TRADD: variants seen among roughly 807,000 people sequenced by gnomAD.
TRADD encodes the protein TNFRSF1A associated via death domain.
In TRADD, 14 loss-of-function variants were observed where a neutral mutation model predicts 31.5. That is an observed-to-expected ratio of 0.44 (90% CI 0.29 to 0.69). The LOEUF (loss-of-function observed/expected upper bound fraction) is 0.69. Among genes scored for constraint, TRADD ranks in the 30% least tolerant of loss-of-function variants. The pLI is 0.11. For synonymous variants in TRADD, 220 were observed against 215.8 expected (o/e 1.02, Z -0.17); for missense variants, 388 against 435.7 (o/e 0.89, Z 0.97).
intron 2 of TRADD, 119 bp from the exon 3 acceptor site, chr16:67,155,773 A>G: frequency 6.8e-7 from 1 of 1,466,102 alleles, no homozygotes. Flanking sequence ...CCTAGGGTGC[A>G]GTTACCCCAG....
intron 4 of TRADD, 65 bp from the exon 5 acceptor site, chr16:67,155,024 A>G: frequency 2.1e-6 from 1 of 484,206 alleles, no homozygotes; most frequent in South Asian, 1.9e-5. Flanking sequence ...ACCCATCCCC[A>G]CCCGGCAACG....
chr16:67,157,789 C>T (rs1328086125), intron 1 of TRADD, among the ~76,000 whole-genome samples: 1 of 152,152 alleles, frequency 6.6e-6, no homozygotes, highest in Non-Finnish European at 1.5e-5. Context: ...AGCTCTGGAC[C>T]AGCGGGGGCA....
At chr16:67,157,842 T>C (rs1278775665) in intron 1 of TRADD, among the ~76,000 whole-genome samples, 1 of 152,168 alleles carries the variant, frequency 6.6e-6, no homozygotes, top group South Asian at 2.1e-4. Context: ...TACAGCTCAA[T>C]GGTCTCCCAG....
Position 67,154,997 on chromosome 16 carries a change from C to T in TRADD, c.629-38G>A, listed in dbSNP as rs2030613991. On this transcript the variant is annotated intron_variant, in intron 4 of 4. Coordinates refer to ENST00000345057, the MANE Select transcript of TRADD (RefSeq NM_003789.4). The surrounding 1 kb of genome is among the most constrained non-coding windows in gnomAD (Gnocchi z 5.2). Reference sequence around the variant, plus strand: ...TGGGGAAACGGGGTGAGGGCGGGGACCCCCAGCGCCGGTCCCACCCATCCC... The same window carrying T: ...TGGGGAAACGGGGTGAGGGCGGGGATCCCCAGCGCCGGTCCCACCCATCCC... 29 of 1,587,440 alleles carry T rather than the reference C, an allele frequency of 1.8e-5. No individual in the cohort carries two copies. The highest frequency in any genetic ancestry group is 2.5e-5 in the Non-Finnish European group (29 of 1,168,590).
In TRADD at chr16:67,155,641, G is replaced by A; in HGVS notation, c.165C>T (p.Ser55=). The change falls in exon 3 of 5, where the codon AGC becomes AGT. Residue 55 remains serine (S), a synonymous_variant. Coordinates refer to ENST00000345057, the MANE Select transcript of TRADD (RefSeq NM_003789.4). ...TCTTCAGCATCTGCAGCACGTCCGG[G>A]CTCCCGCCGCTCTCTGCGGAGGCGG... ...LQAALAESGG[S]PDVLQMLKIH... is the part of the protein sequence containing the mutation. The A allele has an allele frequency of 6.5e-7, 1 of 1,547,168 alleles. No homozygotes were observed.
chr16:67,154,469 C>T lies in TRADD; in HGVS notation c.*180G>A. 1.4e-6 allele frequency: 1 copy of T among 736,214 alleles called. No individual in the cohort carries two copies. The allele number at this position is 736,214 out of a possible 1,614,324, so 45.6% of individuals were successfully genotyped here. A position where few individuals can be genotyped will look rare whatever the true frequency, so the allele number is the denominator to read the frequency against. On this transcript the variant is annotated 3_prime_UTR_variant, in exon 5 of 5. Coordinates refer to ENST00000345057, the MANE Select transcript of TRADD (RefSeq NM_003789.4). This position sits in a 1 kb window ranked among gnomAD's most constrained non-coding sequence, Gnocchi z 5.2. The stretch of plus-strand genomic sequence containing the variant: ...CTATCAAAGTACCTGAGGCAGAATC[C>T]CCAATGATGCACCCCCAGTGGTCTG...
At position 67,156,684 on chromosome 16, in the gene TRADD, G is replaced by C. The variant is rs2030711797; in HGVS notation, c.-8-16C>G. 1.2e-6 allele frequency: 2 copies of C among 1,609,668 alleles called. No individual in the cohort carries two copies. Among genetic ancestry groups the C allele is most frequent in the African/African-American group, 2.8e-5 (2 of 71,882 alleles). On this transcript the variant is annotated splice_polypyrimidine_tract_variant and intron_variant, in intron 1 of 4. Transcript: ENST00000345057. The surrounding 1 kb of genome is among the most constrained non-coding windows in gnomAD (Gnocchi z 4.6). The stretch of plus-strand genomic sequence containing the variant: ...ATCTCACCTCCTGGAGATGCAGACA[G>C]TCAGGTATCCAGTTCATCCCCCCTC...
rs2030841843 is a variant in TRADD at position 67,159,879 on chromosome 16, C to A, written c.-50G>T. On this transcript the variant is annotated 5_prime_UTR_variant, in exon 1 of 5. Coordinates refer to ENST00000345057, the MANE Select transcript of TRADD (RefSeq NM_003789.4). This position sits in a 1 kb window ranked among gnomAD's most constrained non-coding sequence, Gnocchi z 6.8. ...GGCCTGGGTTCCCACGCCCGCCAGG[C>A]TCCGCTCTACTCCGCCGCTTCCGGG... The A allele has an allele frequency of 6.6e-6, 1 of 152,250 alleles. No individual in the cohort carries two copies. Among genetic ancestry groups the A allele is most frequent in the Admixed American group, 6.5e-5 (1 of 15,290 alleles). 9.4% of individuals were successfully genotyped at this position (152,250 alleles called of 1,614,324 possible).
At chr16:67,155,968 C>T (rs1000371785) in intron 2 of TRADD, 61 of 1,446,658 alleles carry the variant, frequency 4.2e-5, no homozygotes, top group Admixed American at 2.3e-4. Flanking sequence ...GTGCCCTGGG[C>T]AAACAAGCCG....
In TRADD at chr16:67,156,140, G is replaced by A. The variant is rs545322930; in HGVS notation, c.151+370C>T. 492 of 1,362,088 alleles carry A rather than the reference G, an allele frequency of 3.6e-4. 1 individual carries two copies. The highest frequency in any genetic ancestry group is 5.1e-4 in the South Asian group (42 of 81,706). 84.4% of individuals were successfully genotyped at this position (1,362,088 alleles called of 1,614,324 possible). On this transcript the variant is annotated intron_variant, in intron 2 of 4. Transcript: ENST00000345057. This position sits in a 1 kb window ranked among gnomAD's most constrained non-coding sequence, Gnocchi z 4.6. The stretch of plus-strand genomic sequence containing the variant: ...TTCAGCCTCCTGTGGCCTCTGCCCT[G>A]AGATGGGAAAGGGGGGCCTGGAAGG...
chr16:67,154,637 T>G lies in TRADD; in HGVS notation c.*12A>C. On this transcript the variant is annotated 3_prime_UTR_variant, in exon 5 of 5. Coordinates refer to ENST00000345057, the MANE Select transcript of TRADD (RefSeq NM_003789.4). The surrounding 1 kb of genome is among the most constrained non-coding windows in gnomAD (Gnocchi z 5.2). ...CCATCCAGGTTCTCCAAAAGCTGGC[T>G]GCACCCCTGGTCTAGGCCAGGCCGC... 6.2e-7 allele frequency: 1 copy of G among 1,611,272 alleles called. No individual in the cohort carries two copies. The highest frequency in any genetic ancestry group is 8.5e-7 in the Non-Finnish European group (1 of 1,179,476).
In TRADD at chr16:67,154,577, G is replaced by C; in HGVS notation, c.*72C>G. 6.5e-7 allele frequency: 1 copy of C among 1,539,622 alleles called. No homozygotes were observed. The highest frequency in any genetic ancestry group is 1.2e-5 in the South Asian group (1 of 84,754). On this transcript the variant is annotated 3_prime_UTR_variant, in exon 5 of 5. Coordinates refer to ENST00000345057, the MANE Select transcript of TRADD (RefSeq NM_003789.4). The surrounding 1 kb of genome is among the most constrained non-coding windows in gnomAD (Gnocchi z 5.2). ...AGTTTCAGGGTCCCGTGGATGGACA[G>C]GGGTTCAGCAATAGCCGCAGAAGGA...
intron 1 of TRADD, among the ~76,000 whole-genome samples, chr16:67,158,506 C>T (rs763078464): frequency 2.6e-5 from 4 of 151,638 alleles, no homozygotes; most frequent in Admixed American, 1.3e-4. Flanking sequence ...TGTGTACTTA[C>T]GCCAAACCAC....
chr16:67,156,608 A>G lies in TRADD; in HGVS notation c.53T>C (p.Phe18Ser). The G allele has an allele frequency of 6.2e-7, 1 of 1,614,084 alleles. No individual in the cohort carries two copies. Among genetic ancestry groups the G allele is most frequent in the Non-Finnish European group, 8.5e-7 (1 of 1,180,022 alleles). Residue 18 changes from phenylalanine (F) to serine (S), a missense_variant, in exon 2 of 5, where the codon TTT becomes TCT. Phe to Ser is a radical substitution (Grantham distance 155). Transcript: ENST00000345057. The surrounding 1 kb of genome is among the most constrained non-coding windows in gnomAD (Gnocchi z 4.6). ...CACCTTGTCCAGCGAGGACTCCACA[A>G]ACAGGTATGCGCTGCCCACCCACTC... is the stretch of plus-strand genomic sequence containing the variant. ...HEEWVGSAYL[F>S]VESSLDKVVL...
chr16:67,154,922 G>A lies in TRADD; in HGVS notation c.666C>T (p.Phe222=), dbSNP rs1253663806. 1.9e-6 allele frequency: 3 copies of A among 1,609,042 alleles called. No homozygotes were observed. Among genetic ancestry groups the A allele is most frequent in the African/African-American group, 2.7e-5 (2 of 74,832 alleles). The part of the protein sequence containing the change: ...RPLSLKDQQT[F]ARSVGLKWRK... Reference sequence around the variant, plus strand: ...GCCATTTGAGACCCACAGAGCGCGCGAACGTCTGTTGGTCCTTCAGGCTCA... The same window carrying A: ...GCCATTTGAGACCCACAGAGCGCGCAAACGTCTGTTGGTCCTTCAGGCTCA... Residue 222 remains phenylalanine, a synonymous_variant, in exon 5 of 5, where the codon TTC becomes TTT. Transcript: ENST00000345057. The surrounding 1 kb of genome is among the most constrained non-coding windows in gnomAD (Gnocchi z 5.2).
Position 67,156,562 on chromosome 16 carries a change from C to A in TRADD, c.99G>T (p.Ala33=). 1 of 1,613,872 alleles carries A rather than the reference C, an allele frequency of 6.2e-7. No individual in the cohort carries two copies. Among genetic ancestry groups the A allele is most frequent in the Non-Finnish European group, 8.5e-7 (1 of 1,180,038 alleles). The stretch of plus-strand genomic sequence containing the variant: ...ACACTGCCACCTTCTGCTGGGGGTG[C>A]GCGTAGGCATCCGACAGGACCACCT... ...LDKVVLSDAY[A]HPQQKVAVYR... Residue 33 remains alanine, a synonymous_variant, in exon 2 of 5, where the codon GCG becomes GCT. Transcript: ENST00000345057. The surrounding 1 kb of genome is among the most constrained non-coding windows in gnomAD (Gnocchi z 4.6).
intron 4 of TRADD, 34 bp downstream of exon 4, chr16:67,155,062 T>G (rs1324934593): frequency 8.4e-7 from 1 of 1,190,490 alleles, no homozygotes. Flanking sequence ...GACTCCAACC[T>G]CCTGGTGACC....
chr16:67,156,700 AT>A lies in TRADD; in HGVS notation c.-8-33del. The A allele has an allele frequency of 1.9e-6, 3 of 1,611,742 alleles. No individual in the cohort carries two copies. The highest frequency in any genetic ancestry group is 2.2e-5 in the South Asian group (2 of 91,068). Reference sequence around the variant, plus strand: ...ATGCAGACAGTCAGGTATCCAGTTCATCCCCCCTCCCTCCACCCTGGAGACA... The same window carrying A: ...ATGCAGACAGTCAGGTATCCAGTTCACCCCCCTCCCTCCACCCTGGAGACA... On this transcript the variant is annotated intron_variant, in intron 1 of 4. Transcript: ENST00000345057. This position sits in a 1 kb window ranked among gnomAD's most constrained non-coding sequence, Gnocchi z 4.6.
intron 4 of TRADD, 51 bp from the exon 5 acceptor site, chr16:67,155,010 T>TGCCCCC: frequency 3.3e-6 from 5 of 1,499,606 alleles, no homozygotes; most frequent in Non-Finnish European, 4.6e-6. Flanking sequence ...CCAGCGCCGG[T>TGCCCCC]CCCACCCATC....
Sources: allele counts gnomAD v4.1 joint callset (sites outside exome capture counted in the v4.1 genomes callset), GRCh38; gene constraint gnomAD v4.1.1; non-coding constraint Gnocchi (gnomAD v3.1); transcripts MANE v1.5; gene names NCBI Gene and HGNC (gene_info 2026-07-23, HGNC 2026-07-21).